PPP2R2C: variants seen among roughly 807,000 people sequenced by gnomAD.
PPP2R2C encodes protein phosphatase 2 regulatory subunit Bgamma.
Under a neutral mutation model 45.3 loss-of-function variants are expected in PPP2R2C, and 10 were observed. The ratio of observed to expected loss-of-function variants is 0.22; its 90% CI spans 0.14 to 0.37. PPP2R2C has a LOEUF of 0.37. Ranked by LOEUF, PPP2R2C falls within the 10% of genes least tolerant of loss-of-function variation. The pLI, the probability that PPP2R2C is intolerant of heterozygous loss-of-function variation, is 1.00. For missense variants in PPP2R2C, 308 were observed against 619.7 expected, an observed-to-expected ratio of 0.50 and a Z score of 5.34; for synonymous variants, 257 against 245.4, an observed-to-expected ratio of 1.05 and a Z score of -0.44.
At chr4:6,434,804 A>T (rs963813461) in intron 1 of PPP2R2C, among the ~76,000 whole-genome samples, 3 of 152,040 alleles carry the variant, frequency 2.0e-5, no homozygotes, top group African/African-American at 7.2e-5. Flanking sequence ...AAAAAACAGT[A>T]TCTTAACTTG....
At chr4:6,373,551 C>T (rs549628177) in intron 4 of PPP2R2C, among the ~76,000 whole-genome samples, 13 of 152,332 alleles carry the variant, frequency 8.5e-5, no homozygotes, top group African/African-American at 3.1e-4. Flanking sequence ...CAAGGCGTCA[C>T]CTCTTGTTTA....
intron 1 of PPP2R2C, among the ~76,000 whole-genome samples, chr4:6,414,733 A>G (rs567164757): frequency 8.6e-4 from 131 of 151,948 alleles, no homozygotes; most frequent in African/African-American, 2.9e-3. Flanking sequence ...GGATGGAGGG[A>G]GGAACAGGGG....
chr4:6,448,727 A>G (rs1720568036), intron 1 of PPP2R2C, among the ~76,000 whole-genome samples: 1 of 152,114 alleles, frequency 6.6e-6, no homozygotes, highest in African/African-American at 2.4e-5. Context: ...CAAGGACTAG[A>G]ATCGTCACCC....
At chr4:6,384,201 T>C (rs1056655340) in intron 1 of PPP2R2C, 1 of 985,328 alleles carries the variant, frequency 1.0e-6, no homozygotes, top group Admixed American at 6.1e-5. Flanking sequence ...AGCCCAGCTG[T>C]GCTAGGGTCC....
intron 6 of PPP2R2C, among the ~76,000 whole-genome samples, chr4:6,339,783 G>A (rs1037935546): frequency 2.3e-4 from 35 of 152,310 alleles, no homozygotes; most frequent in Admixed American, 5.2e-4. Context: ...GATCGCCCCT[G>A]GCTACCCTGG....
intron 1 of PPP2R2C, among the ~76,000 whole-genome samples, chr4:6,545,121 G>C (rs1246243496): frequency 1.3e-5 from 2 of 152,168 alleles, no homozygotes; most frequent in Non-Finnish European, 2.9e-5. Flanking sequence ...CCAGCACCAG[G>C]AGATACGTTA....
At chr4:6,551,475 C>T (rs1195512767) in intron 1 of PPP2R2C, among the ~76,000 whole-genome samples, 2 of 152,304 alleles carry the variant, frequency 1.3e-5, no homozygotes, top group African/African-American at 4.8e-5. Flanking sequence ...CACAAGTCCC[C>T]CCATCAAGAG....
rs746551609 is a variant in PPP2R2C at position 6,362,730 on chromosome 4, TC to T, written c.625+9792del. ...ATGAGACTGAAATGCAACAGCGGCA[TC>T]TTGCATTTGTTCACCCCAGCACCAG... On this transcript the variant is annotated intron_variant, in intron 5 of 8. Transcript: ENST00000382599. Among the ~76,000 whole-genome samples the T allele has an allele frequency of 1.4e-4, 22 of 152,278 alleles. No homozygotes were observed. The East Asian group carries it at 2.7e-3, about 19-fold the overall frequency.
chr4:6,484,967 G>A (rs59693222), intron 2 of PPP2R2C, among the ~76,000 whole-genome samples: 4,522 of 151,826 alleles, frequency 0.03, 227 homozygotes, highest in African/African-American at 0.1. Context: ...AATGTGTGCT[G>A]AGAGTAGACA....
At position 6,323,093 on chromosome 4, in the gene PPP2R2C, A is replaced by C. The variant is rs1577062546; in HGVS notation, c.*209T>G. On this transcript the variant is annotated 3_prime_UTR_variant, in exon 9 of 9. Transcript: ENST00000382599. The stretch of plus-strand genomic sequence containing the variant: ...CGCTTCCTTTCCTTTTTATTTTTTT[A>C]AACAGACAATTACTGCCAAACACAA... The C allele has an allele frequency of 4.0e-6, 2 of 501,084 alleles. No homozygotes were observed. Among genetic ancestry groups the C allele is most frequent in the South Asian group, 5.4e-5 (1 of 18,452 alleles). 31.0% of individuals were successfully genotyped at this position (501,084 alleles called of 1,614,324 possible).
rs564318233 is a variant in PPP2R2C, at chr4:6,413,679, G to T, written c.71-32585C>A. Among the ~76,000 whole-genome samples the T allele has an allele frequency of 2.0e-5, 3 of 152,294 alleles. No homozygotes were observed. In the South Asian group the frequency reaches 6.2e-4, roughly 32 times the overall value. ...TCACCTGTTCCATTCATGATGAGGG[G>T]AAAGCCCACATATCCCCTGAGGGCC... On this transcript the variant is annotated intron_variant, in intron 1 of 8. Coordinates refer to ENST00000382599, the MANE Select transcript of PPP2R2C (RefSeq NM_020416.4).
At chr4:6,360,598 G>C (rs1713642886) in intron 5 of PPP2R2C, among the ~76,000 whole-genome samples, 1 of 152,204 alleles carries the variant, frequency 6.6e-6, no homozygotes, top group African/African-American at 2.4e-5. Context: ...AGCTCACCAG[G>C]GACGCCGGAT....
intron 1 of PPP2R2C, chr4:6,381,877 T>G: frequency 6.2e-7 from 1 of 1,610,332 alleles, no homozygotes; most frequent in Non-Finnish European, 8.5e-7. Flanking sequence ...ATGTGGGAAC[T>G]AGGGGAACAC....
intron 2 of PPP2R2C, among the ~76,000 whole-genome samples, chr4:6,483,113 G>T (rs7440689): frequency 1.4e-5 from 2 of 140,764 alleles, no homozygotes; most frequent in African/African-American, 5.2e-5. Flanking sequence ...ATAGATAAAT[G>T]GATAGATAGA....
At chr4:6,561,763 C>T (rs1725585351) in intron 1 of PPP2R2C, among the ~76,000 whole-genome samples, 1 of 152,176 alleles carries the variant, frequency 6.6e-6, no homozygotes, top group Non-Finnish European at 1.5e-5. Context: ...GACTGACTCC[C>T]AGCCCAAAGA....
intron 5 of PPP2R2C, among the ~76,000 whole-genome samples, chr4:6,356,297 C>A (rs1271309922): frequency 6.6e-6 from 1 of 152,222 alleles, no homozygotes; most frequent in Non-Finnish European, 1.5e-5. Context: ...ACTAGCTTCG[C>A]ATCTGTAGCT....
chr4:6,493,203 C>A (rs1217575465), intron 2 of PPP2R2C, among the ~76,000 whole-genome samples: 1 of 152,136 alleles, frequency 6.6e-6, no homozygotes, highest in Non-Finnish European at 1.5e-5. Flanking sequence ...AGCACGCCTG[C>A]CATCCACCCA....
chr4:6,453,821 C>T (rs1720872688), intron 1 of PPP2R2C, among the ~76,000 whole-genome samples: 1 of 152,176 alleles, frequency 6.6e-6, no homozygotes, highest in Non-Finnish European at 1.5e-5. Flanking sequence ...ACAGCCCCAC[C>T]GAGGGCCACG....
chr4:6,410,601 G>A (rs1577158324), intron 1 of PPP2R2C, among the ~76,000 whole-genome samples: 3 of 152,118 alleles, frequency 2.0e-5, no homozygotes, highest in South Asian at 4.1e-4. Flanking sequence ...TGTCTGGTGT[G>A]CCATGCTGGC....
Sources: gnomAD v4.1 joint callset for allele counts (sites outside exome capture counted in the v4.1 genomes callset) on GRCh38, gnomAD v4.1.1 for gene constraint, MANE v1.5 for transcripts, NCBI Gene and HGNC (gene_info 2026-07-23, HGNC 2026-07-21) for gene names.